The following SLIT3 variants were observed in gnomAD, a reference collection of about 807,000 sequenced individuals.
SLIT3 encodes slit guidance ligand 3, also known as slit homolog 3 protein.
In SLIT3, 68 loss-of-function variants were observed where a neutral mutation model predicts 184.0. That is an observed-to-expected ratio of 0.37 (90% CI 0.30 to 0.45). SLIT3 has a LOEUF of 0.45. SLIT3 is among the 20% of genes least tolerant of loss of function. The probability of loss-of-function intolerance (pLI) is 1.00; values close to 1 mark genes in which losing one functional copy is unlikely to be tolerated. For missense variants in SLIT3, 1,707 were observed against 2,026.0 expected (o/e 0.84, Z 3.02); for synonymous variants, 831 against 828.6 (o/e 1.00, Z -0.05).
chr5:168,679,596 G>C (rs540049103), intron 32 of SLIT3, among the ~76,000 whole-genome samples: 8 of 152,236 alleles, frequency 5.3e-5, no homozygotes, highest in South Asian at 2.1e-4. Context: ...TATTCCTCTA[G>C]GTGCTGGTTG....
In SLIT3 at chr5:168,790,422, G is replaced by C. The variant is rs78525646; in HGVS notation, c.1008-791C>G. The C allele has an allele frequency of 4.6e-3, 696 of 152,300 alleles. 7 individuals are homozygous for C. Among genetic ancestry groups the C allele is most frequent in the African/African-American group, 0.016 (681 of 41,550 alleles). The allele number at this position is 152,300 out of a possible 1,614,324, so 9.4% of individuals were successfully genotyped here. A position where few individuals can be genotyped will look rare whatever the true frequency, so the allele number is the denominator to read the frequency against. The stretch of plus-strand genomic sequence containing the variant: ...TTTGCAGGTGCAAAGGAATCTCCTC[G>C]ACCCTGGCTCCTTCCCAGAGGCCCT... On this transcript the variant is annotated intron_variant, in intron 10 of 35. Coordinates refer to ENST00000519560, the MANE Select transcript of SLIT3 (RefSeq NM_003062.4).
chr5:169,241,569 T>G (rs962380005), intron 3 of SLIT3, among the ~76,000 whole-genome samples: 6 of 152,104 alleles, frequency 3.9e-5, no homozygotes, highest in African/African-American at 1.4e-4. Context: ...AAGGCAAAAT[T>G]AGGCCCAGCT....
intron 6 of SLIT3, among the ~76,000 whole-genome samples, chr5:168,835,758 C>T (rs1758031299): frequency 3.3e-5 from 5 of 151,844 alleles, no homozygotes; most frequent in Admixed American, 3.3e-4. Context: ...TTGCAGTGAG[C>T]CCAGATTCCA....
At chr5:168,851,250 G>A (rs113482237) in intron 5 of SLIT3, among the ~76,000 whole-genome samples, 4,222 of 151,410 alleles carry the variant, frequency 0.028, 207 homozygotes, top group African/African-American at 0.098. Context: ...GTGAACCCGG[G>A]AGGCGGAGCT....
chr5:169,210,910 A>T (rs982891554), intron 3 of SLIT3, among the ~76,000 whole-genome samples: 1 of 152,186 alleles, frequency 6.6e-6, no homozygotes, highest in Non-Finnish European at 1.5e-5. Context: ...TGTTCCATTG[A>T]TGTTGGGTGT....
chr5:168,885,686 T>C (rs965953279), intron 4 of SLIT3, among the ~76,000 whole-genome samples: 2 of 152,080 alleles, frequency 1.3e-5, no homozygotes, highest in African/African-American at 4.8e-5. Flanking sequence ...TGGAAAATGG[T>C]TGATGATCAA....
intron 4 of SLIT3, among the ~76,000 whole-genome samples, chr5:168,978,410 T>A (rs943836793): frequency 5.9e-5 from 9 of 152,232 alleles, no homozygotes; most frequent in Non-Finnish European, 1.0e-4. Context: ...TTCATTCATC[T>A]GATTCAGACC....
chr5:168,676,614 C>T (rs1271149742), intron 32 of SLIT3, among the ~76,000 whole-genome samples: 2 of 152,234 alleles, frequency 1.3e-5, no homozygotes, highest in African/African-American at 2.4e-5. Context: ...ACCTTGAGCC[C>T]TCAGACAGTT....
At position 168,708,049 on chromosome 5, in the gene SLIT3, G is replaced by A. The variant is rs781009300; in HGVS notation, c.2771C>T (p.Pro924Leu). ...VAKCNACLSS[P>L]CKNNGTCTQD... is the part of the protein sequence containing the mutation. ...GGTGCATGTCCCGTTATTCTTGCAC[G>A]GGCTGGAGAGGCAGGCATTGCATTT... The change falls in exon 26 of 36, where the codon CCG becomes CTG. Residue 924 changes from proline to leucine, a missense_variant. This residue lies in a region of SLIT3 where 1,307 missense variants were observed against 1,511.6 expected (regional missense o/e 0.86). Transcript: ENST00000519560. 5.0e-6 allele frequency: 8 copies of A among 1,614,146 alleles called. No homozygotes were observed. In the South Asian group the frequency reaches 5.5e-5, roughly 11 times the overall value.
At chr5:169,103,203 T>C (rs558449856) in intron 4 of SLIT3, among the ~76,000 whole-genome samples, 28 of 152,334 alleles carry the variant, frequency 1.8e-4, no homozygotes, top group Non-Finnish European at 3.8e-4. Context: ...AGATAATATA[T>C]TCAACACAAA....
At chr5:169,085,624 C>T (rs1759262234) in intron 4 of SLIT3, among the ~76,000 whole-genome samples, 2 of 152,272 alleles carry the variant, frequency 1.3e-5, no homozygotes, top group Middle Eastern at 3.4e-3. Context: ...AGGAGGTTAC[C>T]GCTGTGAATC....
chr5:168,731,927 G>A (rs1368724692), intron 20 of SLIT3, among the ~76,000 whole-genome samples: 1 of 152,024 alleles, frequency 6.6e-6, no homozygotes, highest in Non-Finnish European at 1.5e-5. Context: ...CTTATTCAGT[G>A]TAGTATTGGA....
At chr5:168,744,246 G>C (rs1297168418) in intron 20 of SLIT3, among the ~76,000 whole-genome samples, 1 of 152,172 alleles carries the variant, frequency 6.6e-6, no homozygotes, top group Non-Finnish European at 1.5e-5. Context: ...CCGAGATTGC[G>C]CCACGGCACT....
At chr5:168,990,299 G>C (rs1191358697) in intron 4 of SLIT3, among the ~76,000 whole-genome samples, 2 of 152,206 alleles carry the variant, frequency 1.3e-5, no homozygotes, top group African/African-American at 4.8e-5. Flanking sequence ...GAAGGGTGAG[G>C]GTGGGACAGG....
intron 4 of SLIT3, among the ~76,000 whole-genome samples, chr5:169,122,983 T>C (rs1316481932): frequency 2.6e-5 from 4 of 152,226 alleles, no homozygotes; most frequent in Non-Finnish European, 5.9e-5. Context: ...AATTACTCTT[T>C]ATAATACAAT....
At chr5:169,082,962 T>A (rs982558279) in intron 4 of SLIT3, among the ~76,000 whole-genome samples, 3 of 152,226 alleles carry the variant, frequency 2.0e-5, no homozygotes, top group Non-Finnish European at 4.4e-5. Context: ...TGCATCTTTC[T>A]TAGAGCTCCA....
intron 4 of SLIT3, among the ~76,000 whole-genome samples, chr5:169,185,543 T>C (rs548038890): frequency 2.0e-5 from 3 of 152,342 alleles, no homozygotes; most frequent in South Asian, 4.1e-4. Context: ...TTGGGTAGTA[T>C]GGTTTTTGTT....
At chr5:168,830,113 T>C (rs1757833684) in intron 6 of SLIT3, among the ~76,000 whole-genome samples, 1 of 152,166 alleles carries the variant, frequency 6.6e-6, no homozygotes, top group Non-Finnish European at 1.5e-5. Flanking sequence ...GTGATCGTTA[T>C]TGGCTGACTC....
chr5:168,919,942 AC>A (rs1761583059), intron 4 of SLIT3, among the ~76,000 whole-genome samples: 1 of 152,160 alleles, frequency 6.6e-6, no homozygotes, highest in South Asian at 2.1e-4. Context: ...CTATTCTAGT[AC>A]CTTCCTCTGA....
Sources: gnomAD v4.1 joint callset for allele counts (sites outside exome capture counted in the v4.1 genomes callset) on GRCh38, gnomAD v4.1.1 for gene constraint, gnomAD v4.1.1 regional missense constraint, MANE v1.5 for transcripts, NCBI Gene and HGNC (gene_info 2026-07-23, HGNC 2026-07-21) for gene names.